The following FARP2 variants were observed in gnomAD, a reference collection of about 807,000 sequenced individuals.
The protein encoded by FARP2 is FERM, ARHGEF and pleckstrin domain-containing protein 2.
FARP2 carries 111 observed loss-of-function variants against 130.5 expected under a neutral mutation model. The ratio of observed to expected loss-of-function variants is 0.85; its 90% CI spans 0.73 to 1.00. The LOEUF is 1.00. Among genes scored for constraint, FARP2 ranks in the 50% least tolerant of loss-of-function variants. FARP2 has a pLI of 0.00. For missense variants in FARP2, 1,385 were observed against 1,346.3 expected (o/e 1.03, Z -0.45); for synonymous variants, 504 against 516.9 (o/e 0.98, Z 0.34).
intron 8 of FARP2, among the ~76,000 whole-genome samples, chr2:241,421,254 G>C (rs1437716595): frequency 3.3e-5 from 5 of 152,212 alleles, no homozygotes; most frequent in Admixed American, 1.3e-4. Flanking sequence ...CAGCAGAGCA[G>C]CCACTGAGGC....
intron 17 of FARP2, chr2:241,465,744 A>G: frequency 2.6e-6 from 4 of 1,550,780 alleles, no homozygotes; most frequent in Non-Finnish European, 3.5e-6. Context: ...GCTGAGCCAC[A>G]GTGACGACGA....
chr2:241,362,593 C>G (rs1428290888), intron 1 of FARP2, among the ~76,000 whole-genome samples: 3 of 152,188 alleles, frequency 2.0e-5, no homozygotes, highest in African/African-American at 7.2e-5. Flanking sequence ...CAGAGCAAGA[C>G]TCCATCTCAA....
chr2:241,422,260 C>CAAAAAAAAAAA (rs1198628886), intron 8 of FARP2, among the ~76,000 whole-genome samples: 3 of 91,972 alleles, frequency 3.3e-5, no homozygotes, highest in African/African-American at 4.5e-5. Flanking sequence ...ACTAAAAATA[C>CAAAAAAAAAAA]AAAAAAAAAA....
chr2:241,484,525 A>T (rs1314730557), intron 21 of FARP2, among the ~76,000 whole-genome samples, 194 bp downstream of exon 21: 1 of 152,172 alleles, frequency 6.6e-6, no homozygotes, highest in Non-Finnish European at 1.5e-5. Context: ...CATTGTTGTT[A>T]TTGATGCTCA....
At chr2:241,384,347 G>GGTAGAGGGGATCCCAGTCCTACTT (rs2061735738) in intron 2 of FARP2, among the ~76,000 whole-genome samples, 1 of 152,110 alleles carries the variant, frequency 6.6e-6, no homozygotes, top group Non-Finnish European at 1.5e-5. Context: ...TTGCCACAGT[G>GGTAGAGGGGATCCCAGTCCTACTT]GTAGAGGGGA....
intron 2 of FARP2, among the ~76,000 whole-genome samples, chr2:241,374,665 T>C (rs924428070): frequency 2.0e-5 from 3 of 152,176 alleles, no homozygotes; most frequent in South Asian, 4.1e-4. Context: ...TGAGTGTTGT[T>C]TGAAGGCAAG....
At chr2:241,435,271 T>G (rs895626693) in intron 11 of FARP2, among the ~76,000 whole-genome samples, 8 of 139,624 alleles carry the variant, frequency 5.7e-5, no homozygotes, top group African/African-American at 1.6e-4. Context: ...GTTTTTTTTG[T>G]TTTTTTTTTT....
chr2:241,421,457 C>A (rs2062805403), intron 8 of FARP2, among the ~76,000 whole-genome samples: 1 of 152,258 alleles, frequency 6.6e-6, no homozygotes, highest in Non-Finnish European at 1.5e-5. Flanking sequence ...CCAACAGCAG[C>A]AGGCTGGAAA....
chr2:241,413,014 C>G (rs890413807), intron 6 of FARP2, among the ~76,000 whole-genome samples: 1 of 152,120 alleles, frequency 6.6e-6, no homozygotes, highest in Non-Finnish European at 1.5e-5. Context: ...GTCAACAGAA[C>G]GAGACCTTGT....
At chr2:241,438,029 G>A (rs545219719) in intron 12 of FARP2, among the ~76,000 whole-genome samples, 6 of 152,036 alleles carry the variant, frequency 3.9e-5, no homozygotes, top group South Asian at 4.1e-4. Flanking sequence ...GGCTGGTCTC[G>A]AACTCCTGGC....
At chr2:241,451,155 G>T (rs1391175097) in intron 13 of FARP2, among the ~76,000 whole-genome samples, 1 of 151,844 alleles carries the variant, frequency 6.6e-6, no homozygotes, top group African/African-American at 2.4e-5. Flanking sequence ...TTTTGTTTTT[G>T]TAGAGACAGG....
intron 22 of FARP2, among the ~76,000 whole-genome samples, chr2:241,490,362 C>T (rs969412004): frequency 6.6e-6 from 1 of 152,162 alleles, no homozygotes; most frequent in Non-Finnish European, 1.5e-5. Context: ...CTGTGGTCTC[C>T]CAGGGCACAG....
chr2:241,493,566 T>G, intron 26 of FARP2, 122 bp downstream of exon 26: 1 of 815,824 alleles, frequency 1.2e-6, no homozygotes, highest in East Asian at 2.5e-5. Flanking sequence ...TGAGCAATGC[T>G]TCCAGCATTT....
intron 1 of FARP2, among the ~76,000 whole-genome samples, chr2:241,356,693 G>A (rs1012517372): frequency 3.9e-5 from 6 of 152,260 alleles, no homozygotes; most frequent in Admixed American, 1.3e-4. Flanking sequence ...GGCCGGTGGG[G>A]CTGTAGACCG....
intron 21 of FARP2, among the ~76,000 whole-genome samples, chr2:241,487,983 C>T (rs975511365): frequency 1.3e-5 from 2 of 151,802 alleles, no homozygotes; most frequent in African/African-American, 2.4e-5. Flanking sequence ...CTCCTGACCT[C>T]GTGATCCACC....
chr2:241,375,038 C>T (rs1171332599), intron 2 of FARP2, among the ~76,000 whole-genome samples: 1 of 152,170 alleles, frequency 6.6e-6, no homozygotes, highest in Admixed American at 6.5e-5. Flanking sequence ...GCTCTGCCTC[C>T]CGGGTTCACA....
chr2:241,494,281 G>A lies in FARP2; in HGVS notation c.*156G>A. 4.6e-6 allele frequency: 2 copies of A among 431,500 alleles called. No individual in the cohort carries two copies. Among genetic ancestry groups the A allele is most frequent in the Middle Eastern group, 4.9e-4 (1 of 2,034 alleles). The allele number at this position is 431,500 out of a possible 1,614,324, so 26.7% of individuals were successfully genotyped here. On this transcript the variant is annotated 3_prime_UTR_variant, in exon 27 of 27. Transcript: ENST00000264042. The surrounding 1 kb of genome is among the most constrained non-coding windows in gnomAD (Gnocchi z 4.9). ...TGGGTGGGCCTCATGTAACATCTGG[G>A]AGGGGCTTCATCCCCCCACCCAGGA...
chr2:241,460,187 A>AGGCTG (rs1264145451), intron 14 of FARP2, among the ~76,000 whole-genome samples: 1 of 152,162 alleles, frequency 6.6e-6, no homozygotes, highest in Non-Finnish European at 1.5e-5. Context: ...TGTGTGGGGA[A>AGGCTG]GGCTGGGGCC....
At chr2:241,466,689 A>ACCCCC (rs1185189860) in intron 17 of FARP2, 3 of 484,410 alleles carry the variant, frequency 6.2e-6, no homozygotes, top group Admixed American at 1.3e-4. Context: ...CCTTCCAACC[A>ACCCCC]CCCCCCCCCC....
Sources: allele counts gnomAD v4.1 joint callset (sites outside exome capture counted in the v4.1 genomes callset), GRCh38; gene constraint gnomAD v4.1.1; non-coding constraint Gnocchi (gnomAD v3.1); transcripts MANE v1.5; gene names NCBI Gene and HGNC (gene_info 2026-07-23, HGNC 2026-07-21).